ICA1L: variants seen among roughly 807,000 people sequenced by gnomAD.
The protein encoded by ICA1L is islet cell autoantigen 1-like protein.
Under a neutral mutation model 61.3 loss-of-function variants are expected in ICA1L, and 50 were observed. The observed-to-expected ratio is 0.82, with a 90% CI of 0.65 to 1.03. The LOEUF is 1.03. Among genes scored for constraint, ICA1L ranks in the 50% least tolerant of loss-of-function variants. The pLI, the probability that ICA1L is intolerant of heterozygous loss-of-function variation, is 0.00. For missense variants in ICA1L, 508 were observed against 556.7 expected (o/e 0.91, Z 0.88); for synonymous variants, 161 against 191.3 (o/e 0.84, Z 1.31).
intron 1 of ICA1L, among the ~76,000 whole-genome samples, chr2:202,864,305 G>A (rs1687402734): frequency 1.3e-5 from 2 of 151,772 alleles, no homozygotes; most frequent in African/African-American, 4.8e-5. Flanking sequence ...GTGCAGTGGC[G>A]CAATCTCGGC....
Position 202,800,053 on chromosome 2 carries a change from T to C in ICA1L, c.911-3089A>G, listed in dbSNP as rs367606888. On this transcript the variant is annotated intron_variant, in intron 9 of 12. Transcript: ENST00000358299. ...CTGCCACAGTCAGCTAAGTTTTTTT[T>C]TGTATTTTTAGTAGAGATGGGATTT... Among the ~76,000 whole-genome samples the C allele has an allele frequency of 1.1e-3, 173 of 152,114 alleles. 1 individual carries two copies. Among genetic ancestry groups the C allele is most frequent in the African/African-American group, 4.0e-3 (164 of 41,510 alleles).
intron 9 of ICA1L, among the ~76,000 whole-genome samples, chr2:202,807,398 T>A (rs1432003530): frequency 6.6e-6 from 1 of 152,162 alleles, no homozygotes; most frequent in Non-Finnish European, 1.5e-5. Context: ...ATTCAGCCAG[T>A]ACTCACAGAG....
rs551102700 is a variant in ICA1L, at chr2:202,774,321, C to T, written c.*5212G>A. 4.1e-6 allele frequency: 6 copies of T among 1,468,416 alleles called. No individual in the cohort carries two copies. In the African/African-American group the frequency reaches 4.4e-5, roughly 11 times the overall value. The allele number at this position is 1,468,416 out of a possible 1,614,324, so 91.0% of individuals were successfully genotyped here. On this transcript the variant is annotated 3_prime_UTR_variant, in exon 13 of 13. Coordinates refer to ENST00000358299, the MANE Select transcript of ICA1L (RefSeq NM_001288622.3). Reference sequence around the variant, plus strand: ...ACCGCGGACGGCGGCGCGCGCGTTCCCCGCAGCGCTGAGGCGAGCCTGCCG... The same window carrying T: ...ACCGCGGACGGCGGCGCGCGCGTTCTCCGCAGCGCTGAGGCGAGCCTGCCG...
At chr2:202,834,818 T>C (rs551199996) in intron 1 of ICA1L, among the ~76,000 whole-genome samples, 10 of 152,284 alleles carry the variant, frequency 6.6e-5, no homozygotes, top group Non-Finnish European at 1.0e-4. Flanking sequence ...TTTTTAGCTA[T>C]ATATTTTTTT....
At chr2:202,841,071 G>A in intron 1 of ICA1L, 1 of 638,946 alleles carries the variant, frequency 1.6e-6, no homozygotes, top group Non-Finnish European at 3.0e-6. Context: ...CAAGATCTGG[G>A]ACTGCAGCTT....
chr2:202,821,252 C>G (rs1275565830), intron 4 of ICA1L, 106 bp downstream of exon 4: 8 of 1,073,906 alleles, frequency 7.4e-6, no homozygotes, highest in Admixed American at 5.1e-5. Context: ...CTCTTTAACC[C>G]TTTATTAGAA....
chr2:202,862,487 G>A (rs1261985299), intron 1 of ICA1L, among the ~76,000 whole-genome samples: 1 of 151,948 alleles, frequency 6.6e-6, no homozygotes, highest in Non-Finnish European at 1.5e-5. Flanking sequence ...TTTTAAACAG[G>A]AATCAATATC....
At chr2:202,811,973 C>T (rs1233244737) in intron 8 of ICA1L, among the ~76,000 whole-genome samples, 184 bp from the exon 9 acceptor site, 2 of 152,026 alleles carry the variant, frequency 1.3e-5, no homozygotes, top group African/African-American at 4.8e-5. Context: ...CTATACAGAC[C>T]TTTCACCCCT....
intron 1 of ICA1L, among the ~76,000 whole-genome samples, chr2:202,864,627 ATGTGTGTG>A (rs566451955): frequency 6.7e-6 from 1 of 150,286 alleles, no homozygotes; most frequent in African/African-American, 2.4e-5. Flanking sequence ...GTATATATAT[ATGTGTGTG>A]TGTGTGTGTG....
At chr2:202,824,550 C>G (rs1693783269) in intron 3 of ICA1L, among the ~76,000 whole-genome samples, 1 of 152,116 alleles carries the variant, frequency 6.6e-6, no homozygotes, top group Non-Finnish European at 1.5e-5. Flanking sequence ...TTTGTACCCT[C>G]TGAGGGCAGA....
chr2:202,840,470 C>A, intron 1 of ICA1L: 1 of 509,208 alleles, frequency 2.0e-6, no homozygotes, highest in Non-Finnish European at 3.9e-6. Context: ...GGAGCCGAGG[C>A]CATAGCTGAG....
chr2:202,801,092 A>C (rs1693075815), intron 9 of ICA1L, among the ~76,000 whole-genome samples: 1 of 152,208 alleles, frequency 6.6e-6, no homozygotes, highest in Non-Finnish European at 1.5e-5. Context: ...TGAGAAGAAT[A>C]ATCCTGGTTG....
Position 202,779,599 on chromosome 2 carries a change from T to C in ICA1L, c.1383A>G (p.Ala461=). Reference sequence around the variant, plus strand: ...CTGGGTTTGAAAGTGGATCCAAGTCTGCAAACAGATTGAACCAGGCTGACA... The same window carrying C: ...CTGGGTTTGAAAGTGGATCCAAGTCCGCAAACAGATTGAACCAGGCTGACA... ...QDMSAWFNLF[A]DLDPLSNPDA... Residue 461 remains alanine, a synonymous_variant, in exon 13 of 13, where the codon GCA becomes GCG. Coordinates refer to ENST00000358299, the MANE Select transcript of ICA1L (RefSeq NM_001288622.3). 6.2e-7 allele frequency: 1 copy of C among 1,613,640 alleles called. No homozygotes were observed. The highest frequency in any genetic ancestry group is 1.1e-5 in the South Asian group (1 of 90,988).
chr2:202,803,838 T>C (rs1207244232), intron 9 of ICA1L, among the ~76,000 whole-genome samples: 3 of 152,126 alleles, frequency 2.0e-5, no homozygotes, highest in Non-Finnish European at 4.4e-5. Flanking sequence ...CAAAAAGTAT[T>C]ATTAAAGCCA....
At chr2:202,829,619 T>G (rs1693957528) in intron 1 of ICA1L, among the ~76,000 whole-genome samples, 1 of 152,192 alleles carries the variant, frequency 6.6e-6, no homozygotes, top group South Asian at 2.1e-4. Flanking sequence ...AATATTAATG[T>G]TCTCAGTCAG....
At chr2:202,815,453 A>C (rs1053199524) in intron 7 of ICA1L, among the ~76,000 whole-genome samples, 1 of 152,200 alleles carries the variant, frequency 6.6e-6, no homozygotes, top group Non-Finnish European at 1.5e-5. Flanking sequence ...CATATCCATG[A>C]CATCAGTGTA....
chr2:202,807,326 T>C (rs1393202327), intron 9 of ICA1L, among the ~76,000 whole-genome samples: 1 of 152,186 alleles, frequency 6.6e-6, no homozygotes, highest in East Asian at 1.9e-4. Flanking sequence ...AGTGCAGTGA[T>C]TGTGGGACTT....
At position 202,773,995 on chromosome 2, in the gene ICA1L, G is replaced by A; in HGVS notation, c.*5538C>T. The stretch of plus-strand genomic sequence containing the variant: ...TAAAAGGTATATGGTACTAAGAAGA[G>A]TTGGCTGTTTTATTTTTTTAAATTA... On this transcript the variant is annotated 3_prime_UTR_variant, in exon 13 of 13. Transcript: ENST00000358299. 2.2e-6 allele frequency: 2 copies of A among 905,800 alleles called. No homozygotes were observed. The highest frequency in any genetic ancestry group is 2.6e-5 in the East Asian group (1 of 38,420). The allele number at this position is 905,800 out of a possible 1,614,324, so 56.1% of individuals were successfully genotyped here.
rs1692533467 is a variant in ICA1L, at chr2:202,784,948, G to A, written c.1333+970C>T. Among the ~76,000 whole-genome samples the A allele has an allele frequency of 3.9e-5, 6 of 152,200 alleles. No homozygotes were observed. The South Asian group carries it at 1.2e-3, about 32-fold the overall frequency. On this transcript the variant is annotated intron_variant, in intron 12 of 12. Transcript: ENST00000358299. ...AAAATGGTTAATATGGGCTGGGCAT[G>A]GTGGCTCATGCCTGTAATCCTAGCA...
Sources: gnomAD v4.1 joint callset for allele counts (sites outside exome capture counted in the v4.1 genomes callset) on GRCh38, gnomAD v4.1.1 for gene constraint, MANE v1.5 for transcripts, NCBI Gene and HGNC (gene_info 2026-07-23, HGNC 2026-07-21) for gene names.